The following HCRTR1 variants were observed in gnomAD, a reference collection of about 807,000 sequenced individuals.
HCRTR1 encodes hypocretin receptor 1, also known as orexin/Hypocretin receptor type 1.
HCRTR1 carries 28 observed loss-of-function variants against 40.6 expected under a neutral mutation model. The observed-to-expected ratio is 0.69, with a 90% CI of 0.51 to 0.95. HCRTR1 has a LOEUF of 0.95. Among genes scored for constraint, HCRTR1 ranks in the 40% least tolerant of loss-of-function variants. The probability of loss-of-function intolerance (pLI) is 0.00; values close to 1 mark genes in which losing one functional copy is unlikely to be tolerated. For synonymous variants in HCRTR1, 209 were observed against 230.0 expected (o/e 0.91, Z 0.83); for missense variants, 482 against 564.7 (o/e 0.85, Z 1.48).
At chr1:31,633,149 G>A (rs766414117), downstream of HCRTR1, 68 of 1,610,802 alleles carry the variant, frequency 4.2e-5, no homozygotes, top group East Asian at 2.9e-4. Context: ...AGGGCAAGGC[G>A]GAGACTCACT....
Position 31,625,024 on chromosome 1 carries a change from T to C in HCRTR1, c.993T>C (p.Ser331=), listed in dbSNP as rs2148611618. 6.2e-7 allele frequency: 1 copy of C among 1,609,478 alleles called. No homozygotes were observed. The highest frequency in any genetic ancestry group is 2.2e-5 in the East Asian group (1 of 44,662). ...TGTTCGGGATGTTCCGCCAAGCCAG[T>C]GACCGCGAAGCTGTCTACGCCTGCT... is the stretch of plus-strand genomic sequence containing the variant. ...KRVFGMFRQA[S]DREAVYACFT... is the part of the protein sequence containing the mutation. Residue 331 remains serine (S), a synonymous_variant, in exon 8 of 9, where the codon AGT becomes AGC. Transcript: ENST00000403528. The surrounding 1 kb of genome is among the most constrained non-coding windows in gnomAD (Gnocchi z 4.2).
downstream of HCRTR1, among the ~76,000 whole-genome samples, chr1:31,634,136 A>G (rs1463468296): frequency 4.6e-5 from 7 of 152,192 alleles, no homozygotes; most frequent in Non-Finnish European, 8.8e-5. Flanking sequence ...AGAGGGAAAA[A>G]GGTATGCCTG....
downstream of HCRTR1, among the ~76,000 whole-genome samples, chr1:31,632,141 T>C (rs563820789): frequency 2.0e-5 from 3 of 152,228 alleles, no homozygotes; most frequent in Non-Finnish European, 2.9e-5. Context: ...CTCTTTCCAT[T>C]CTACATGCTA....
chr1:31,623,636 G>C lies in HCRTR1; in HGVS notation c.852G>C (p.Leu284=). Residue 284 remains leucine, a synonymous_variant, in exon 7 of 9, where the codon CTG becomes CTC. Transcript: ENST00000403528. ...GEPQPRARAF[L]AEVKQMRARR... ...CCCAGCCCCGGGCCCGCGCCTTCCT[G>C]GCTGAAGTGAAGCAGATGCGTGCAC... The C allele has an allele frequency of 1.2e-6, 2 of 1,614,030 alleles. No homozygotes were observed.
rs147546381 is a variant in HCRTR1, at chr1:31,621,078, G to A, written c.614G>A (p.Arg205His). Reference sequence around the variant, plus strand: ...CGGCTCTTCTCAGTCTGTGATGAACGCTGGGCAGGTAATGGTGGAAGCCTC... The same window carrying A: ...CGGCTCTTCTCAGTCTGTGATGAACACTGGGCAGGTAATGGTGGAAGCCTC... ...RTRLFSVCDE[R>H]WADDLYPKIY... The change falls in exon 5 of 9, where the codon CGC becomes CAC. Residue 205 changes from arginine (R) to histidine (H), a missense_variant. By Grantham distance (29) the Arg-to-His change is conservative. Transcript: ENST00000403528. 3.9e-5 allele frequency: 62 copies of A among 1,604,458 alleles called. No homozygotes were observed. Among genetic ancestry groups the A allele is most frequent in the Admixed American group, 8.3e-5 (5 of 59,950 alleles).
downstream of HCRTR1, among the ~76,000 whole-genome samples, chr1:31,629,352 A>G (rs1290375142): frequency 6.6e-6 from 1 of 152,228 alleles, no homozygotes; most frequent in African/African-American, 2.4e-5. Context: ...CCCAGAATAA[A>G]GCCCCCTGGC....
intron 1 of HCRTR1, among the ~76,000 whole-genome samples, chr1:31,618,498 T>C (rs1639778774): frequency 6.6e-6 from 1 of 151,844 alleles, no homozygotes; most frequent in South Asian, 2.1e-4. Flanking sequence ...CGGGTGGGGC[T>C]TGGGTCTCTA....
chr1:31,633,158 C>T (rs1557584936), downstream of HCRTR1: 1 of 1,612,808 alleles, frequency 6.2e-7, no homozygotes, highest in Admixed American at 1.7e-5. Flanking sequence ...CGGAGACTCA[C>T]TTATCATCAT....
At chr1:31,634,125 C>A (rs912127186), downstream of HCRTR1, among the ~76,000 whole-genome samples, 31 of 152,086 alleles carry the variant, frequency 2.0e-4, no homozygotes, top group African/African-American at 7.5e-4. Flanking sequence ...CCAGTAAGGA[C>A]AGAGGGAAAA....
At chr1:31,621,127 C>A (rs772154600) in intron 5 of HCRTR1, 41 bp downstream of exon 5, 1 of 1,579,002 alleles carries the variant, frequency 6.3e-7, no homozygotes. Flanking sequence ...CTCAGGTGGG[C>A]ACTTTGGGAG....
chr1:31,627,903 T>C (rs560210879), downstream of HCRTR1, among the ~76,000 whole-genome samples: 6 of 152,222 alleles, frequency 3.9e-5, no homozygotes, highest in African/African-American at 1.4e-4. Flanking sequence ...GGTGGGCAGA[T>C]AGCGGGTTAA....
Position 31,619,411 on chromosome 1 carries a change from G to A in HCRTR1, c.199+20G>A, listed in dbSNP as rs199507936. The A allele has an allele frequency of 2.9e-5, 47 of 1,613,624 alleles. No homozygotes were observed. Among genetic ancestry groups the A allele is most frequent in the Middle Eastern group, 1.6e-4 (1 of 6,072 alleles). On this transcript the variant is annotated intron_variant, in intron 3 of 8. Transcript: ENST00000403528. The stretch of plus-strand genomic sequence containing the variant: ...CGCTGGGTAGGTCCAGGGCTTGCCC[G>A]GCAGTGCTGCCGGCTTTCCCTGGGG...
At chr1:31,630,553 T>G, downstream of HCRTR1, 1 of 1,479,716 alleles carries the variant, frequency 6.8e-7, no homozygotes, top group Non-Finnish European at 9.4e-7. Flanking sequence ...CACATACTTC[T>G]CTCACTCTAA....
Position 31,625,449 on chromosome 1 carries a change from G to T in HCRTR1, c.1087+331G>T, listed in dbSNP as rs1338713923. On this transcript the variant is annotated intron_variant, in intron 8 of 8. Transcript: ENST00000403528. The surrounding 1 kb of genome is among the most constrained non-coding windows in gnomAD (Gnocchi z 4.2). ...AAGACCTCCAATCAGCTCAGGCAGA[G>T]GAGTCCATCCTCCCCGGAGGGAGTC... 6.6e-6 allele frequency among the ~76,000 whole-genome samples: 1 copy of T among 152,184 alleles called. No individual in the cohort carries two copies. Among genetic ancestry groups the T allele is most frequent in the Non-Finnish European group, 1.5e-5 (1 of 68,022 alleles).
In HCRTR1 at chr1:31,619,274, G is replaced by A. The variant is rs199831745; in HGVS notation, c.82G>A (p.Glu28Lys). ...REPSPVPPDY[E>K]DEFLRYLWRD... ...GCCGTCCCCTGTGCCTCCAGACTAT[G>A]AAGATGAGTTTCTCCGCTATCTGTG... The change falls in exon 3 of 9, where the codon GAA becomes AAA. Residue 28 changes from glutamate to lysine, a missense_variant. Transcript: ENST00000403528. 6 of 1,614,128 alleles carry A rather than the reference G, an allele frequency of 3.7e-6. No individual in the cohort carries two copies. Among genetic ancestry groups the A allele is most frequent in the Non-Finnish European group, 3.4e-6 (4 of 1,180,044 alleles).
chr1:31,619,324 G>A lies in HCRTR1; in HGVS notation c.132G>A (p.Gln44=). The change falls in exon 3 of 9, where the codon CAG becomes CAA. Residue 44 remains glutamine, a synonymous_variant. Transcript: ENST00000403528. ...YLWRDYLYPK[Q]YEWVLIAAYV... ...GGCGCGATTATCTGTACCCAAAACA[G>A]TATGAGTGGGTCCTCATCGCAGCCT... 6.2e-7 allele frequency: 1 copy of A among 1,614,230 alleles called. No homozygotes were observed. Among genetic ancestry groups the A allele is most frequent in the Non-Finnish European group, 8.5e-7 (1 of 1,180,028 alleles).
intron 5 of HCRTR1, among the ~76,000 whole-genome samples, 183 bp from the exon 6 acceptor site, chr1:31,621,294 T>C (rs1443456069): frequency 1.3e-5 from 2 of 152,134 alleles, no homozygotes; most frequent in Admixed American, 1.3e-4. Context: ...AGTGTAGATG[T>C]CCTTCCAGGA....
At chr1:31,618,874 G>A (rs962594357) in intron 2 of HCRTR1, 58 bp downstream of exon 2, 6 of 379,846 alleles carry the variant, frequency 1.6e-5, no homozygotes, top group African/African-American at 1.2e-4. Flanking sequence ...AAAGAGGCCA[G>A]GTAAGCTACC....
chr1:31,624,971 C>T, intron 7 of HCRTR1, 26 bp from the exon 8 acceptor site: 1 of 1,570,942 alleles, frequency 6.4e-7, no homozygotes, highest in South Asian at 1.2e-5. Flanking sequence ...TACCCCATTT[C>T]TGACGCTCCT....
Sources: gnomAD v4.1 joint callset for allele counts (sites outside exome capture counted in the v4.1 genomes callset) on GRCh38, gnomAD v4.1.1 for gene constraint, Gnocchi (gnomAD v3.1) non-coding constraint, MANE v1.5 for transcripts, NCBI Gene and HGNC (gene_info 2026-07-23, HGNC 2026-07-21) for gene names.